Variants in ZNF331 observed in about 807,000 individuals in gnomAD.
ZNF331 encodes C2H2-like zinc finger protein rearranged in thyroid adenomas.
Under a neutral mutation model 7.0 loss-of-function variants are expected in ZNF331, and 2 were observed. The observed-to-expected ratio is 0.29, with a 90% CI of 0.12 to 0.90. The LOEUF (loss-of-function observed/expected upper bound fraction) is 0.90. Ranked by LOEUF, ZNF331 falls within the 40% of genes least tolerant of loss-of-function variation. The pLI is 0.58. For missense variants in ZNF331, 432 were observed against 587.7 expected (o/e 0.74, Z 2.74); for synonymous variants, 196 against 205.4 (o/e 0.95, Z 0.39).
chr19:53,564,297 T>C (rs892434312), intron 3 of ZNF331, among the ~76,000 whole-genome samples: 2 of 151,916 alleles, frequency 1.3e-5, no homozygotes, highest in Non-Finnish European at 2.9e-5. Flanking sequence ...TTATTTTTTT[T>C]GAGATGGAGT....
intron 5 of ZNF331, among the ~76,000 whole-genome samples, chr19:53,574,674 T>C (rs922714156): frequency 5.3e-5 from 8 of 152,172 alleles, no homozygotes; most frequent in Admixed American, 2.6e-4. Flanking sequence ...GTTGTTAATG[T>C]GTCACCACCA....
At chr19:53,516,790 T>C (rs972606998), upstream of ZNF331, among the ~76,000 whole-genome samples, 2 of 152,232 alleles carry the variant, frequency 1.3e-5, no homozygotes, top group African/African-American at 2.4e-5. Context: ...GTTGCTTATT[T>C]TGGATTAATT....
the ZNF331 span, among the ~76,000 whole-genome samples, chr19:53,509,730 T>C: frequency 2.0e-5 from 3 of 152,184 alleles, no homozygotes; most frequent in Non-Finnish European, 4.4e-5. Flanking sequence ...GGGAAAGCTC[T>C]GATCACATGT....
chr19:53,540,381 T>C (rs545376034), intron 2 of ZNF331, among the ~76,000 whole-genome samples: 16 of 152,106 alleles, frequency 1.1e-4, no homozygotes, highest in Non-Finnish European at 2.1e-4. Flanking sequence ...GCTTGGAGGC[T>C]CTTTGGCAGA....
chr19:53,526,922 T>G lies in ZNF331; in HGVS notation c.-205+4238T>G, dbSNP rs574834478. On this transcript the variant is annotated intron_variant, in intron 2 of 6. Coordinates refer to the ZNF331 transcript ENST00000253144. ...AAGAAATATAACTTGCTGGGCGCAGTGCCTCATGCTTGTAATCCAGCACTT... is the reference window on the plus strand; with the variant it reads ...AAGAAATATAACTTGCTGGGCGCAGGGCCTCATGCTTGTAATCCAGCACTT... Among the ~76,000 whole-genome samples the G allele has an allele frequency of 2.5e-3, 386 of 151,850 alleles. 4 individuals are homozygous for G. Among genetic ancestry groups the G allele is most frequent in the Non-Finnish European group, 3.7e-3 (250 of 67,956 alleles).
At chr19:53,528,385 A>G (rs1285977160) in intron 2 of ZNF331, among the ~76,000 whole-genome samples, 2 of 152,228 alleles carry the variant, frequency 1.3e-5, no homozygotes, top group Admixed American at 6.5e-5. Flanking sequence ...GGATTAAGGG[A>G]TATGTAATGT....
chr19:53,561,321 C>T (rs1449481078), intron 3 of ZNF331, among the ~76,000 whole-genome samples: 8 of 121,878 alleles, frequency 6.6e-5, no homozygotes, highest in Admixed American at 5.9e-4. Context: ...GGGATTAATG[C>T]AGGCCTGCTG....
chr19:53,562,600 G>C (rs1472903790), intron 3 of ZNF331, among the ~76,000 whole-genome samples: 2 of 151,806 alleles, frequency 1.3e-5, no homozygotes, highest in Non-Finnish European at 2.9e-5. Context: ...TGAGGTAGGA[G>C]AATCACTTGA....
Position 53,580,183 on chromosome 19 carries a change from A to G in ZNF331, c.*2231A>G, listed in dbSNP as rs894424752. ...GATTTAATCCTTCCACATTGTATAC[A>G]TGTATCAGAACATCACATTGTACTC... is the stretch of plus-strand genomic sequence containing the variant. On this transcript the variant is annotated 3_prime_UTR_variant, in exon 6 of 6. Transcript: ENST00000449416. The G allele has an allele frequency of 5.1e-6, 1 of 197,104 alleles. No homozygotes were observed. The highest frequency in any genetic ancestry group is 1.0e-5 in the Non-Finnish European group (1 of 95,290). 12.2% of individuals were successfully genotyped at this position (197,104 alleles called of 1,614,324 possible).
At chr19:53,527,326 A>G (rs901795115) in intron 2 of ZNF331, among the ~76,000 whole-genome samples, 2 of 152,206 alleles carry the variant, frequency 1.3e-5, no homozygotes, top group Non-Finnish European at 2.9e-5. Context: ...AAGCATAACA[A>G]GTGTATCTCA....
upstream of ZNF331, chr19:53,537,418 C>G (rs1301392641): frequency 1.3e-5 from 2 of 152,278 alleles, no homozygotes; most frequent in African/African-American, 4.8e-5. Flanking sequence ...GGAGAGGATA[C>G]CCTTCTGAGG....
upstream of ZNF331, among the ~76,000 whole-genome samples, chr19:53,534,695 CT>C (rs2087672903): frequency 6.6e-6 from 1 of 152,146 alleles, no homozygotes; most frequent in African/African-American, 2.4e-5. Context: ...ACTCCCTCAC[CT>C]ACTTTTAAGG....
intron 3 of ZNF331, among the ~76,000 whole-genome samples, chr19:53,556,911 T>G (rs1162501654): frequency 6.7e-6 from 1 of 149,762 alleles, no homozygotes. Context: ...GCTCAAGCAA[T>G]CCTCCCACCT....
chr19:53,505,346 G>A, the ZNF331 span, among the ~76,000 whole-genome samples: 2 of 152,074 alleles, frequency 1.3e-5, no homozygotes, highest in African/African-American at 4.8e-5. Flanking sequence ...GGAGTGCAAT[G>A]GTGCCATCTT....
At chr19:53,506,276 A>C in the ZNF331 span, among the ~76,000 whole-genome samples, 1 of 110,494 alleles carries the variant, frequency 9.1e-6, no homozygotes, top group East Asian at 2.3e-4. Context: ...CGGAGCTTGC[A>C]GTGAGCGGAG....
chr19:53,525,638 CGTT>C (rs1259318055), intron 2 of ZNF331, among the ~76,000 whole-genome samples: 6 of 152,056 alleles, frequency 3.9e-5, no homozygotes, highest in African/African-American at 1.4e-4. Flanking sequence ...TTAATGTTGA[CGTT>C]GCATACTACA....
chr19:53,547,837 G>A (rs2088718948), intron 2 of ZNF331, among the ~76,000 whole-genome samples: 1 of 152,070 alleles, frequency 6.6e-6, no homozygotes, highest in Admixed American at 6.5e-5. Flanking sequence ...ATCAAGAAAT[G>A]GCTGTTCAAG....
At chr19:53,510,055 G>A in the ZNF331 span, among the ~76,000 whole-genome samples, 105 of 152,296 alleles carry the variant, frequency 6.9e-4, no homozygotes, top group African/African-American at 2.5e-3. Flanking sequence ...CCTGCCCCTG[G>A]CACGTGGGGA....
chr19:53,556,247 A>C lies in ZNF331; in HGVS notation c.-74+339A>C, dbSNP rs1038661868. 1.2e-3 allele frequency among the ~76,000 whole-genome samples: 186 copies of C among 150,736 alleles called. 1 individual carries two copies. Among genetic ancestry groups the C allele is most frequent in the African/African-American group, 3.4e-3 (142 of 41,306 alleles). The stretch of plus-strand genomic sequence containing the variant: ...AACACAGCGAGACTCCATCTCAAAA[A>C]AAAAAAAAAAAAAAAGGAAATCCTA... On this transcript the variant is annotated intron_variant, in intron 3 of 5. Coordinates refer to ENST00000449416, the MANE Select transcript of ZNF331 (RefSeq NM_001079906.2).
Sources: gnomAD v4.1 joint callset for allele counts (sites outside exome capture counted in the v4.1 genomes callset) on GRCh38, gnomAD v4.1.1 for gene constraint, MANE v1.5 for transcripts, NCBI Gene and HGNC (gene_info 2026-07-23, HGNC 2026-07-21) for gene names.